RFWD3: variants seen among roughly 807,000 people sequenced by gnomAD.
RFWD3 encodes the protein ring finger and WD repeat domain 3.
A neutral mutation model predicts 87.7 loss-of-function variants in RFWD3; 65 were observed. The ratio of observed to expected loss-of-function variants is 0.74; its 90% CI spans 0.61 to 0.91. The LOEUF is 0.91. RFWD3 is among the 40% of genes least tolerant of loss of function. RFWD3 has a pLI of 0.00. For synonymous variants in RFWD3, 433 were observed against 352.8 expected, an observed-to-expected ratio of 1.23 and a Z score of -2.55; for missense variants, 1,078 against 938.5, an observed-to-expected ratio of 1.15 and a Z score of -1.94.
chr16:74,623,740 T>C lies in RFWD3; in HGVS notation c.*188A>G, dbSNP rs922131167. On this transcript the variant is annotated 3_prime_UTR_variant, in exon 13 of 13. Coordinates refer to ENST00000361070, the MANE Select transcript of RFWD3 (RefSeq NM_018124.4). ...AAGTACCCATCAATTACTCTTTTAG[T>C]GGACATAACAGATACACAATCTGTA... The C allele has an allele frequency of 1.3e-5, 7 of 555,380 alleles. No homozygotes were observed. The highest frequency in any genetic ancestry group is 3.8e-5 in the African/African-American group (2 of 52,698). The allele number at this position is 555,380 out of a possible 1,614,324, so 34.4% of individuals were successfully genotyped here.
At chr16:74,646,652 G>A (rs1195332964) in intron 4 of RFWD3, among the ~76,000 whole-genome samples, 3 of 151,988 alleles carry the variant, frequency 2.0e-5, no homozygotes, top group Non-Finnish European at 4.4e-5. Flanking sequence ...CAGGCATGAC[G>A]GCGTGTGCCT....
chr16:74,630,722 C>G, intron 10 of RFWD3, 59 bp downstream of exon 10: 3 of 1,460,994 alleles, frequency 2.1e-6, no homozygotes, highest in Non-Finnish European at 2.7e-6. Context: ...AGACGATTAA[C>G]ACAATAATAA....
At chr16:74,646,497 G>T (rs571394515) in intron 4 of RFWD3, among the ~76,000 whole-genome samples, 4 of 152,210 alleles carry the variant, frequency 2.6e-5, no homozygotes, top group African/African-American at 9.6e-5. Flanking sequence ...ATAAGAAAAA[G>T]AATTAATTCG....
rs1484916936 is a variant in RFWD3 at position 74,661,549 on chromosome 16, TATC to T, written c.-2-101_-2-99del. ...TTAATCTTTCTGATTTTATGTTTAA[TATC>T]ATTCTTAGCAAGACTGAGAAGCTTC... On this transcript the variant is annotated intron_variant, in intron 1 of 12. Coordinates refer to ENST00000361070, the MANE Select transcript of RFWD3 (RefSeq NM_018124.4). 291 of 1,141,278 alleles carry T rather than the reference TATC, an allele frequency of 2.5e-4. 2 individuals are homozygous for T. The highest frequency in any genetic ancestry group is 3.3e-4 in the Non-Finnish European group (269 of 810,504). 70.7% of individuals were successfully genotyped at this position (1,141,278 alleles called of 1,614,324 possible). A position where few individuals can be genotyped will look rare whatever the true frequency, so the allele number is the denominator to read the frequency against.
At chr16:74,653,762 T>C (rs1308966647) in intron 2 of RFWD3, among the ~76,000 whole-genome samples, 1 of 152,236 alleles carries the variant, frequency 6.6e-6, no homozygotes, top group Non-Finnish European at 1.5e-5. Context: ...AGAAACATTG[T>C]TGAGGACTGC....
chr16:74,663,693 G>A (rs184178765), intron 1 of RFWD3, among the ~76,000 whole-genome samples: 1 of 152,256 alleles, frequency 6.6e-6, no homozygotes, highest in Admixed American at 6.5e-5. Context: ...TGCAAACAGG[G>A]TATGATATGC....
chr16:74,632,593 G>A lies in RFWD3; in HGVS notation c.1507C>T (p.Leu503=), dbSNP rs1260360927. 6.2e-7 allele frequency: 1 copy of A among 1,614,120 alleles called. No individual in the cohort carries two copies. Among genetic ancestry groups the A allele is most frequent in the Admixed American group, 1.7e-5 (1 of 60,002 alleles). Reference sequence around the variant, plus strand: ...CCTCTGAGGTAACTGCTAAACGCCAGTCCACGGATCTGTTTGCCATGCATC... The same window carrying A: ...CCTCTGAGGTAACTGCTAAACGCCAATCCACGGATCTGTTTGCCATGCATC... ...IPMHGKQIRG[L]AFSSYLRGLL... The change falls in exon 9 of 13, where the codon CTG becomes TTG. Residue 503 remains leucine, a synonymous_variant. Coordinates refer to ENST00000361070, the MANE Select transcript of RFWD3 (RefSeq NM_018124.4).
intron 2 of RFWD3, chr16:74,660,660 T>G: frequency 3.1e-6 from 1 of 321,400 alleles, no homozygotes; most frequent in Non-Finnish European, 5.7e-6. Context: ...AAGAAAGAAT[T>G]TTTGGTGTAC....
chr16:74,628,355 G>GTA, intron 11 of RFWD3, 97 bp downstream of exon 11: 1 of 1,156,222 alleles, frequency 8.6e-7, no homozygotes, highest in East Asian at 2.4e-5. Context: ...CCTGTGAGCG[G>GTA]TACCACAGCC....
At chr16:74,652,779 C>G (rs1025353904) in intron 2 of RFWD3, among the ~76,000 whole-genome samples, 8 of 152,134 alleles carry the variant, frequency 5.3e-5, no homozygotes, top group African/African-American at 1.9e-4. Flanking sequence ...TTCTCTAACT[C>G]CTGGAATAAC....
At chr16:74,657,296 A>G (rs1961062540) in intron 2 of RFWD3, among the ~76,000 whole-genome samples, 1 of 152,182 alleles carries the variant, frequency 6.6e-6, no homozygotes, top group Non-Finnish European at 1.5e-5. Flanking sequence ...GAGCTCAATG[A>G]GATTCGGCTG....
At chr16:74,635,655 T>G (rs1955302739) in intron 8 of RFWD3, among the ~76,000 whole-genome samples, 1 of 152,212 alleles carries the variant, frequency 6.6e-6, no homozygotes, top group African/African-American at 2.4e-5. Context: ...TTTGTTGGTT[T>G]TATTTGATGA....
At chr16:74,631,158 G>A (rs1310820829) in intron 9 of RFWD3, among the ~76,000 whole-genome samples, 14 of 152,238 alleles carry the variant, frequency 9.2e-5, no homozygotes, top group Non-Finnish European at 2.9e-5. Context: ...GGGGCCACAG[G>A]TTTTCCTCTT....
At chr16:74,636,026 T>C (rs1959193385) in intron 8 of RFWD3, among the ~76,000 whole-genome samples, 1 of 152,234 alleles carries the variant, frequency 6.6e-6, no homozygotes, top group African/African-American at 2.4e-5. Flanking sequence ...TTGTCAAACA[T>C]TTCCAGTCTA....
intron 7 of RFWD3, among the ~76,000 whole-genome samples, chr16:74,637,174 T>C (rs1376618660): frequency 1.4e-5 from 2 of 147,824 alleles, no homozygotes; most frequent in African/African-American, 5.0e-5. Context: ...GGTCTCACTC[T>C]GTCATCCATG....
At chr16:74,639,963 T>C (rs111409089) in intron 6 of RFWD3, among the ~76,000 whole-genome samples, 2,820 of 152,148 alleles carry the variant, frequency 0.019, 37 homozygotes, top group Non-Finnish European at 0.027. Context: ...ACTGGTATAA[T>C]TGCTCTATTT....
chr16:74,660,425 C>T (rs1241258932), intron 2 of RFWD3, among the ~76,000 whole-genome samples: 4 of 152,140 alleles, frequency 2.6e-5, no homozygotes, highest in Non-Finnish European at 5.9e-5. Context: ...GGGAATCCAG[C>T]CTGGACGACA....
chr16:74,645,644 C>T (rs557333045), intron 4 of RFWD3, among the ~76,000 whole-genome samples: 2 of 151,226 alleles, frequency 1.3e-5, no homozygotes, highest in South Asian at 2.1e-4. Flanking sequence ...TGAGCCACTG[C>T]GCCCAGCCTG....
chr16:74,623,782 G>T lies in RFWD3; in HGVS notation c.*146C>A. 1.3e-6 allele frequency: 1 copy of T among 769,308 alleles called. No individual in the cohort carries two copies. The allele number at this position is 769,308 out of a possible 1,614,324, so 47.7% of individuals were successfully genotyped here. The stretch of plus-strand genomic sequence containing the variant: ...CAATCTGTAGTGTCTCAGTGACCTA[G>T]GGTCCTAGAATCATACTAATGCAAA... On this transcript the variant is annotated 3_prime_UTR_variant, in exon 13 of 13. Coordinates refer to ENST00000361070, the MANE Select transcript of RFWD3 (RefSeq NM_018124.4).
Sources: gnomAD v4.1 joint callset for allele counts (sites outside exome capture counted in the v4.1 genomes callset) on GRCh38, gnomAD v4.1.1 for gene constraint, MANE v1.5 for transcripts, NCBI Gene and HGNC (gene_info 2026-07-23, HGNC 2026-07-21) for gene names.